Variants in DAGLB observed in about 807,000 individuals in gnomAD.
The protein encoded by DAGLB is diacylglycerol lipase beta.
DAGLB carries 66 observed loss-of-function variants against 72.1 expected under a neutral mutation model. The observed-to-expected ratio is 0.92, with a 90% CI of 0.75 to 1.12. The LOEUF (loss-of-function observed/expected upper bound fraction) is 1.12, where lower values mean the gene tolerates loss of function less well. Among genes scored for constraint, DAGLB ranks in the 50% most tolerant of loss-of-function variants. The pLI is 0.00. For synonymous variants in DAGLB, 414 were observed against 359.5 expected (o/e 1.15, Z -1.71); for missense variants, 1,065 against 884.9 (o/e 1.20, Z -2.58).
At chr7:6,412,480 A>T (rs1783762099) in intron 13 of DAGLB, 1 of 251,406 alleles carries the variant, frequency 4.0e-6, no homozygotes, top group Non-Finnish European at 7.7e-6. Context: ...TTTTTTTTAG[A>T]ATAGAGACAG....
chr7:6,418,758 G>C (rs553188792), intron 9 of DAGLB, among the ~76,000 whole-genome samples: 1 of 151,588 alleles, frequency 6.6e-6, no homozygotes, highest in Non-Finnish European at 1.5e-5. Context: ...TCCACCTCCC[G>C]GGTTCACGCC....
intron 8 of DAGLB, among the ~76,000 whole-genome samples, chr7:6,423,923 G>A (rs970715573): frequency 6.6e-6 from 1 of 152,112 alleles, no homozygotes; most frequent in African/African-American, 2.4e-5. Flanking sequence ...CGTGAACAGG[G>A]CGCCCCCCGG....
Position 6,447,819 on chromosome 7 carries a change from G to A in DAGLB, c.24C>T (p.Gly8=). 2 of 1,612,890 alleles carry A rather than the reference G, an allele frequency of 1.2e-6. No individual in the cohort carries two copies. Among genetic ancestry groups the A allele is most frequent in the South Asian group, 1.1e-5 (1 of 90,882 alleles). Residue 8 remains glycine, a synonymous_variant, in exon 1 of 15, where the codon GGC becomes GGT. Coordinates refer to ENST00000297056, the MANE Select transcript of DAGLB (RefSeq NM_139179.4). MPGMVLF[G]RRWAIASDDL... ...CGTCGCTGGCGATGGCCCAGCGCCG[G>A]CCGAAGAGTACCATCCCCGGCATGG...
chr7:6,431,589 C>A (rs553401545), intron 5 of DAGLB, among the ~76,000 whole-genome samples: 2 of 151,742 alleles, frequency 1.3e-5, no homozygotes, highest in Admixed American at 6.6e-5. Flanking sequence ...CTGGCCAACA[C>A]GGTGAAACCC....
chr7:6,415,225 T>C (rs1024976620), intron 11 of DAGLB, among the ~76,000 whole-genome samples: 2 of 151,980 alleles, frequency 1.3e-5, no homozygotes, highest in African/African-American at 4.8e-5. Flanking sequence ...AAAAAATTAA[T>C]GTCTGCCTCT....
intron 13 of DAGLB, among the ~76,000 whole-genome samples, chr7:6,412,205 C>T (rs1179454218): frequency 2.6e-5 from 4 of 152,170 alleles, no homozygotes; most frequent in African/African-American, 4.8e-5. Flanking sequence ...TGACCCACCG[C>T]GCCTGGCCAG....
intron 8 of DAGLB, chr7:6,422,566 GCAAAA>G (rs1181299362): frequency 2.0e-5 from 3 of 153,692 alleles, no homozygotes; most frequent in Non-Finnish European, 4.3e-5. Flanking sequence ...ATAGAAAAGC[GCAAAA>G]ACACATCCTC....
At position 6,434,099 on chromosome 7, in the gene DAGLB, G is replaced by A. The variant is rs143910894; in HGVS notation, c.678+663C>T. On this transcript the variant is annotated intron_variant, in intron 4 of 14. Coordinates refer to ENST00000297056, the MANE Select transcript of DAGLB (RefSeq NM_139179.4). ...GACCAGCCCTGAATGGTGCCAAGTC[G>A]GATAGCACAGAGGTGGGAAGAGAGA... 3.5e-3 allele frequency among the ~76,000 whole-genome samples: 529 copies of A among 152,218 alleles called. 9 individuals are homozygous for A. Among genetic ancestry groups the A allele is most frequent in the African/African-American group, 0.012 (495 of 41,548 alleles).
Position 6,424,848 on chromosome 7 carries a change from GA to G in DAGLB, c.1057-14del. The G allele has an allele frequency of 3.1e-6, 5 of 1,613,298 alleles. No individual in the cohort carries two copies. The highest frequency in any genetic ancestry group is 4.2e-6 in the Non-Finnish European group (5 of 1,179,436). The stretch of plus-strand genomic sequence containing the variant: ...GCAGCTCGTAAACCTGCAGGAGCAA[GA>G]AACAAGCATGGGGCCTAAACAGTGA... On this transcript the variant is annotated splice_polypyrimidine_tract_variant and intron_variant, in intron 7 of 14. Transcript: ENST00000297056.
In DAGLB at chr7:6,410,241, G is replaced by C; in HGVS notation, c.1709C>G (p.Ser570Cys). The C allele has an allele frequency of 6.2e-7, 1 of 1,612,772 alleles. No individual in the cohort carries two copies. The highest frequency in any genetic ancestry group is 1.1e-5 in the South Asian group (1 of 90,802). Residue 570 changes from serine to cysteine, a missense_variant, in exon 14 of 15, where the codon TCC (serine) becomes TGC (cysteine). Coordinates refer to ENST00000297056, the MANE Select transcript of DAGLB (RefSeq NM_139179.4). The part of the protein sequence containing the change: ...LGEQSLLTRW[S>C]PAYSFSSDSP... ...GTCGCTGGAGAAGCTGTAGGCCGGG[G>C]ACCAGCGCGTCAGTAGGCTCTGCTC...
chr7:6,421,995 C>T (rs192280028), intron 8 of DAGLB, 191 bp from the exon 9 acceptor site: 22 of 691,488 alleles, frequency 3.2e-5, no homozygotes, highest in African/African-American at 3.2e-4. Flanking sequence ...CCTGATGGCA[C>T]GACCAGCTCT....
At chr7:6,431,317 G>A (rs550068212) in intron 5 of DAGLB, among the ~76,000 whole-genome samples, 2 of 152,092 alleles carry the variant, frequency 1.3e-5, no homozygotes, top group Non-Finnish European at 2.9e-5. Flanking sequence ...AACAACCTGT[G>A]GCAGGAAAAT....
At chr7:6,420,634 G>A (rs1784082964) in intron 9 of DAGLB, among the ~76,000 whole-genome samples, 1 of 152,090 alleles carries the variant, frequency 6.6e-6, no homozygotes, top group Non-Finnish European at 1.5e-5. Flanking sequence ...GACTGGACAC[G>A]GGTTCACGGC....
intron 8 of DAGLB, 52 bp from the exon 9 acceptor site, chr7:6,421,856 G>A (rs948535812): frequency 1.9e-6 from 3 of 1,585,698 alleles, no homozygotes; most frequent in African/African-American, 2.7e-5. Flanking sequence ...GGGCAGGGTG[G>A]GAGAATGACA....
At chr7:6,437,261 C>T (rs1379280397) in intron 2 of DAGLB, among the ~76,000 whole-genome samples, 1 of 151,878 alleles carries the variant, frequency 6.6e-6, no homozygotes, top group Non-Finnish European at 1.5e-5. Flanking sequence ...ATATGGTCAC[C>T]CAAGTTCTAA....
intron 6 of DAGLB, 116 bp from the exon 7 acceptor site, chr7:6,426,230 C>G: frequency 6.9e-7 from 1 of 1,445,630 alleles, no homozygotes; most frequent in Non-Finnish European, 9.4e-7. Flanking sequence ...ATTCTCAGGA[C>G]TTAGCCTGGC....
At chr7:6,416,528 G>C (rs1490328053) in intron 11 of DAGLB, 99 bp downstream of exon 11, 2 of 1,499,228 alleles carry the variant, frequency 1.3e-6, no homozygotes, top group African/African-American at 2.8e-5. Context: ...GGGCGACAGA[G>C]CAAGACTTCA....
At chr7:6,423,506 C>T (rs1269953344) in intron 8 of DAGLB, among the ~76,000 whole-genome samples, 1 of 152,158 alleles carries the variant, frequency 6.6e-6, no homozygotes, top group Non-Finnish European at 1.5e-5. Context: ...TCACTGTAAC[C>T]TCCACCTCCC....
Position 6,426,007 on chromosome 7 carries a change from T to C in DAGLB, c.1037A>G (p.His346Arg), listed in dbSNP as rs1438708519. ...TTGLQYRDFI[H>R]VSFHDKVYEL... ...CCACACCTTGTCATGGAAGCTGACG[T>C]GGATGAAGTCCCTGTACTGCAGCCC... is the stretch of plus-strand genomic sequence containing the variant. Residue 346 changes from histidine (H) to arginine (R), a missense_variant, in exon 7 of 15, where the codon CAC (histidine) becomes CGC (arginine). His to Arg is a conservative substitution (Grantham distance 29). Transcript: ENST00000297056. 2 of 1,614,100 alleles carry C rather than the reference T, an allele frequency of 1.2e-6. No individual in the cohort carries two copies. The highest frequency in any genetic ancestry group is 1.7e-6 in the Non-Finnish European group (2 of 1,179,986).
Sources: gnomAD v4.1 joint callset for allele counts (sites outside exome capture counted in the v4.1 genomes callset) on GRCh38, gnomAD v4.1.1 for gene constraint, MANE v1.5 for transcripts, NCBI Gene and HGNC (gene_info 2026-07-23, HGNC 2026-07-21) for gene names.